Variants in NEBL observed in about 807,000 individuals in gnomAD.
NEBL encodes the protein LIM and SH3 protein 2.
In NEBL, 122 loss-of-function variants were observed where a neutral mutation model predicts 140.2. The ratio of observed to expected loss-of-function variants is 0.87; its 90% CI spans 0.75 to 1.01. NEBL has a LOEUF of 1.01. NEBL is among the 50% of genes least tolerant of loss of function. The pLI, the probability that NEBL is intolerant of heterozygous loss-of-function variation, is 0.00. For missense variants in NEBL, 1,365 were observed against 1,231.3 expected (o/e 1.11, Z -1.62); for synonymous variants, 436 against 398.9 (o/e 1.09, Z -1.11).
chr10:20,963,477 G>T (rs1031866502), intron 3 of NEBL, among the ~76,000 whole-genome samples: 2 of 152,174 alleles, frequency 1.3e-5, no homozygotes, highest in East Asian at 3.9e-4. Context: ...TTTGTTACTC[G>T]TCTGTATTTT....
Position 20,872,287 on chromosome 10 carries a change from T to C in NEBL, c.481-2446A>G, listed in dbSNP as rs188707337. The stretch of plus-strand genomic sequence containing the variant: ...CTCAAAACAAATATTAAGATTGACA[T>C]GAACTGCAAATTCAAACAAGAGGAC... On this transcript the variant is annotated intron_variant, in intron 5 of 27. Coordinates refer to ENST00000377122, the MANE Select transcript of NEBL (RefSeq NM_006393.3). 3.4e-4 allele frequency among the ~76,000 whole-genome samples: 52 copies of C among 152,176 alleles called. No homozygotes were observed. In the East Asian group the frequency reaches 9.1e-3, roughly 27 times the overall value.
chr10:20,895,161 T>A (rs1847369111), intron 2 of NEBL, among the ~76,000 whole-genome samples: 1 of 152,090 alleles, frequency 6.6e-6, no homozygotes, highest in African/African-American at 2.4e-5. Context: ...CCAAAACAAC[T>A]CCAACCAAAT....
intron 25 of NEBL, 115 bp downstream of exon 25, chr10:20,809,691 C>A (rs1837938768): frequency 2.2e-6 from 2 of 904,032 alleles, no homozygotes; most frequent in African/African-American, 3.4e-5. Context: ...TTTGGTTTGC[C>A]AAATTCTCAG....
At chr10:21,255,364 C>T (rs1842643654) in intron 1 of NEBL, among the ~76,000 whole-genome samples, 1 of 151,970 alleles carries the variant, frequency 6.6e-6, no homozygotes, top group South Asian at 2.1e-4. Flanking sequence ...GATGCTGACT[C>T]GGGTATTGCG....
intron 3 of NEBL, among the ~76,000 whole-genome samples, chr10:20,990,761 C>T (rs1837426687): frequency 6.6e-6 from 1 of 152,216 alleles, no homozygotes; most frequent in African/African-American, 2.4e-5. Flanking sequence ...TTCTGTCTCA[C>T]CCAGTGTGAC....
At chr10:21,157,239 A>G (rs1840369051) in intron 2 of NEBL, among the ~76,000 whole-genome samples, 1 of 152,040 alleles carries the variant, frequency 6.6e-6, no homozygotes, top group East Asian at 1.9e-4. Context: ...CTGATCTTTT[A>G]TAAGCTTTAT....
chr10:21,283,039 G>C (rs960529934), intron 1 of NEBL, among the ~76,000 whole-genome samples: 5 of 151,998 alleles, frequency 3.3e-5, no homozygotes, highest in Admixed American at 2.0e-4. Flanking sequence ...GGGAGGCTGA[G>C]GCAGGAGAAT....
At chr10:20,793,300 TG>T (rs1836178753) in intron 26 of NEBL, 1 of 923,116 alleles carries the variant, frequency 1.1e-6, no homozygotes, top group Non-Finnish European at 1.3e-6. Flanking sequence ...GCTCAAGCTT[TG>T]GGAATCATTT....
chr10:20,981,697 G>A lies in NEBL; in HGVS notation c.250-19918C>T, dbSNP rs74333822. Among the ~76,000 whole-genome samples the A allele has an allele frequency of 2.6e-4, 39 of 152,302 alleles. No homozygotes were observed. The East Asian group carries it at 3.7e-3, about 14-fold the overall frequency. Reference sequence around the variant, plus strand: ...AGGGCCAGAGAGACCCACTGACACCGGTGATAGGGGCCTCTCTTCCACTGG... The same window carrying A: ...AGGGCCAGAGAGACCCACTGACACCAGTGATAGGGGCCTCTCTTCCACTGG... On this transcript the variant is annotated intron_variant, in intron 3 of 6. Transcript: ENST00000417816.
At chr10:21,115,072 T>C (rs1163812465) in intron 2 of NEBL, among the ~76,000 whole-genome samples, 1 of 151,978 alleles carries the variant, frequency 6.6e-6, no homozygotes, top group Non-Finnish European at 1.5e-5. Flanking sequence ...TTATATTGTT[T>C]CTTTAGGCAT....
intron 3 of NEBL, among the ~76,000 whole-genome samples, chr10:20,986,300 A>G (rs1837256944): frequency 6.6e-6 from 1 of 152,216 alleles, no homozygotes; most frequent in African/African-American, 2.4e-5. Flanking sequence ...CTCCAAAACA[A>G]ACACAGATTT....
intron 3 of NEBL, among the ~76,000 whole-genome samples, chr10:21,220,847 A>G (rs1391836422): frequency 6.6e-6 from 1 of 152,234 alleles, no homozygotes; most frequent in African/African-American, 2.4e-5. Context: ...AAGGACCTGA[A>G]TAGATTCTTC....
chr10:20,819,439 C>T lies in NEBL; in HGVS notation c.2040G>A (p.Gln680=). The change falls in exon 20 of 28, where the codon CAG becomes CAA. Residue 680 remains glutamine, a synonymous_variant. Transcript: ENST00000377122. ...TPEIERVRRN[Q]EQLSAVKYKG... is the part of the protein sequence containing the mutation. The stretch of plus-strand genomic sequence containing the variant: ...AACGACTTGCCGCACTCAGCTGCTC[C>T]TGGTTTCGCCTCACTCTCTCTATCT... The T allele has an allele frequency of 1.2e-6, 2 of 1,614,070 alleles. No individual in the cohort carries two copies. Among genetic ancestry groups the T allele is most frequent in the Non-Finnish European group, 1.7e-6 (2 of 1,179,982 alleles).
chr10:21,291,892 G>A (rs750764546), intron 1 of NEBL, among the ~76,000 whole-genome samples: 2 of 152,146 alleles, frequency 1.3e-5, no homozygotes, highest in Admixed American at 6.5e-5. Context: ...GGAACAGTGC[G>A]AGATTCCGTC....
intron 3 of NEBL, among the ~76,000 whole-genome samples, chr10:21,017,742 T>C (rs1329326389): frequency 1.3e-5 from 2 of 152,086 alleles, no homozygotes; most frequent in Non-Finnish European, 2.9e-5. Flanking sequence ...TATCAGATTC[T>C]TTCTCAACCT....
chr10:20,902,618 G>A (rs962538350), intron 4 of NEBL, among the ~76,000 whole-genome samples: 3 of 152,106 alleles, frequency 2.0e-5, no homozygotes, highest in African/African-American at 7.2e-5. Flanking sequence ...TATAGAGGGG[G>A]CAGGAAAGTA....
intron 4 of NEBL, among the ~76,000 whole-genome samples, chr10:20,883,745 C>T (rs1846223476): frequency 6.6e-6 from 1 of 152,128 alleles, no homozygotes; most frequent in East Asian, 1.9e-4. Context: ...TGGGTTATCA[C>T]AGAAATGATG....
At chr10:20,852,046 GAGA>G (rs1213123193) in intron 10 of NEBL, among the ~76,000 whole-genome samples, 6 of 152,050 alleles carry the variant, frequency 3.9e-5, no homozygotes, top group Non-Finnish European at 7.4e-5. Flanking sequence ...GTATGCTAGA[GAGA>G]AGATATTTTT....
At chr10:20,906,358 C>G (rs1042355014) in intron 4 of NEBL, among the ~76,000 whole-genome samples, 1 of 152,070 alleles carries the variant, frequency 6.6e-6, no homozygotes. Context: ...CCACTTTAAG[C>G]CAGGGAAAAC....
Sources: allele counts gnomAD v4.1 joint callset (sites outside exome capture counted in the v4.1 genomes callset), GRCh38; gene constraint gnomAD v4.1.1; transcripts MANE v1.5; gene names NCBI Gene and HGNC (gene_info 2026-07-23, HGNC 2026-07-21).